SLCO2A1: variants seen among roughly 807,000 people sequenced by gnomAD.
SLCO2A1 encodes matrin F/G 1.
SLCO2A1 carries 60 observed loss-of-function variants against 71.7 expected under a neutral mutation model. The ratio of observed to expected loss-of-function variants is 0.84; its 90% CI spans 0.68 to 1.04. The LOEUF (loss-of-function observed/expected upper bound fraction) is 1.04, where lower values mean the gene tolerates loss of function less well. Among genes scored for constraint, SLCO2A1 ranks in the 50% least tolerant of loss-of-function variants. The probability of loss-of-function intolerance (pLI) is 0.00; values close to 1 mark genes in which losing one functional copy is unlikely to be tolerated. For synonymous variants in SLCO2A1, 308 were observed against 326.7 expected (o/e 0.94, Z 0.62); for missense variants, 745 against 813.4 (o/e 0.92, Z 1.02).
At chr3:133,985,153 C>T (rs1292801455) in intron 1 of SLCO2A1, among the ~76,000 whole-genome samples, 1 of 152,232 alleles carries the variant, frequency 6.6e-6, no homozygotes. Flanking sequence ...CAATGTGTTA[C>T]CAGAACATCA....
Position 133,979,544 on chromosome 3 carries a change from G to A in SLCO2A1, c.171C>T (p.Thr57=). The change falls in exon 2 of 14, where the codon ACC becomes ACT. Residue 57 remains threonine, a synonymous_variant. Coordinates refer to ENST00000310926, the MANE Select transcript of SLCO2A1 (RefSeq NM_005630.3). ...LYSAYFKSSL[T]TIEKRFGLSS... is the part of the protein sequence containing the mutation. ...AGAGCCCAAAGCGCTTCTCAATGGT[G>A]GTGAGGCTGCTCTTGAAGTAGGCGC... 1 of 1,614,146 alleles carries A rather than the reference G, an allele frequency of 6.2e-7. No homozygotes were observed. Among genetic ancestry groups the A allele is most frequent in the African/African-American group, 1.3e-5 (1 of 75,044 alleles).
intron 3 of SLCO2A1, 86 bp from the exon 4 acceptor site, chr3:133,955,279 C>G (rs1425690369): frequency 8.8e-6 from 11 of 1,246,074 alleles, no homozygotes; most frequent in Admixed American, 7.0e-5. Context: ...TCTCCCAGGC[C>G]CCTTGGGGAA....
At chr3:133,950,348 A>G (rs1933710871) in intron 6 of SLCO2A1, among the ~76,000 whole-genome samples, 1 of 152,154 alleles carries the variant, frequency 6.6e-6, no homozygotes, top group Admixed American at 6.5e-5. Flanking sequence ...TGGGACTTGA[A>G]GCCTAGGCAT....
chr3:134,001,753 G>T (rs1479374162), intron 1 of SLCO2A1, among the ~76,000 whole-genome samples: 1 of 152,168 alleles, frequency 6.6e-6, no homozygotes, highest in Non-Finnish European at 1.5e-5. Context: ...GTTCCAGGCT[G>T]ATGTGAGAGA....
At chr3:133,985,757 G>A (rs1191655036) in intron 1 of SLCO2A1, among the ~76,000 whole-genome samples, 2 of 152,170 alleles carry the variant, frequency 1.3e-5, no homozygotes, top group Non-Finnish European at 1.5e-5. Flanking sequence ...TTTGTCAAAT[G>A]AACAATATGT....
At chr3:133,961,006 C>T (rs1344498322) in intron 3 of SLCO2A1, among the ~76,000 whole-genome samples, 2 of 152,042 alleles carry the variant, frequency 1.3e-5, no homozygotes, top group Non-Finnish European at 2.9e-5. Context: ...CGCTCAAACA[C>T]AAGTCCTCCA....
intron 3 of SLCO2A1, among the ~76,000 whole-genome samples, chr3:133,969,329 A>C (rs12695598): frequency 0.48 from 73,445 of 151,928 alleles, 18,337 homozygotes; most frequent in South Asian, 0.66. Context: ...ACTCGGGAGG[A>C]TGAGGCAGGG....
At chr3:134,026,492 C>T (rs1009362139) in intron 1 of SLCO2A1, among the ~76,000 whole-genome samples, 21 of 151,810 alleles carry the variant, frequency 1.4e-4, no homozygotes, top group East Asian at 1.9e-4. Context: ...ATGCTTCCCG[C>T]GAAAAGAGAA....
chr3:133,979,685 G>T, intron 1 of SLCO2A1, 67 bp from the exon 2 acceptor site: 1 of 1,527,088 alleles, frequency 6.5e-7, no homozygotes, highest in Non-Finnish European at 8.8e-7. Flanking sequence ...CCAGCCATCT[G>T]TTAGGGGCCC....
intron 6 of SLCO2A1, 129 bp downstream of exon 6, chr3:133,951,079 A>G: frequency 7.8e-7 from 1 of 1,282,818 alleles, no homozygotes; most frequent in South Asian, 1.2e-5. Flanking sequence ...GTCCTGCATC[A>G]TGAAATTTGT....
In SLCO2A1 at chr3:133,933,689, T is replaced by C. The variant is rs561021861; in HGVS notation, c.*1024A>G. 9 of 152,392 alleles carry C rather than the reference T, an allele frequency of 5.9e-5. No homozygotes were observed. The highest frequency in any genetic ancestry group is 2.2e-4 in the African/African-American group (9 of 41,570). 9.4% of individuals were successfully genotyped at this position (152,392 alleles called of 1,614,324 possible). A position where few individuals can be genotyped will look rare whatever the true frequency, so the allele number is the denominator to read the frequency against. On this transcript the variant is annotated 3_prime_UTR_variant, in exon 14 of 14. Transcript: ENST00000310926. Reference sequence around the variant, plus strand: ...AGCTTGCCATCCAGCTTGGTGACAGTGGACATCCACTCTGCTTCATCACTT... The same window carrying C: ...AGCTTGCCATCCAGCTTGGTGACAGCGGACATCCACTCTGCTTCATCACTT...
Position 134,009,844 on chromosome 3 carries a change from C to T in SLCO2A1, c.96+19863G>A, listed in dbSNP as rs187186400. ...ACAGTCTGTGGTTTGTGGTGAAGTACATAGAGAAAAAATCTTAAGACGGGG... is the reference window on the plus strand; with the variant it reads ...ACAGTCTGTGGTTTGTGGTGAAGTATATAGAGAAAAAATCTTAAGACGGGG... On this transcript the variant is annotated intron_variant, in intron 1 of 13. Transcript: ENST00000310926. Among the ~76,000 whole-genome samples, 106 of 152,288 alleles carry T rather than the reference C, an allele frequency of 7.0e-4. 1 individual carries two copies. The highest frequency in any genetic ancestry group is 3.9e-3 in the Admixed American group (60 of 15,302).
chr3:133,950,482 C>T (rs1176386276), intron 6 of SLCO2A1, among the ~76,000 whole-genome samples: 1 of 152,080 alleles, frequency 6.6e-6, no homozygotes, highest in Non-Finnish European at 1.5e-5. Flanking sequence ...TGCTGCATTC[C>T]CCATCTCTCA....
intron 2 of SLCO2A1, among the ~76,000 whole-genome samples, chr3:133,977,070 C>T (rs569269718): frequency 5.1e-4 from 77 of 152,250 alleles, no homozygotes; most frequent in Non-Finnish European, 9.1e-4. Flanking sequence ...TGCACCAGGC[C>T]GGGCTCTCTT....
chr3:133,963,772 A>G (rs186961586), intron 3 of SLCO2A1, among the ~76,000 whole-genome samples: 108 of 152,264 alleles, frequency 7.1e-4, no homozygotes, highest in Admixed American at 2.1e-3. Flanking sequence ...CCCTTAAACT[A>G]TCAGCACGAC....
In SLCO2A1 at chr3:133,987,012, T is replaced by G. The variant is rs190561545; in HGVS notation, c.97-7394A>C. ...TGATCCCCATAGGGTTATTACCTAT[T>G]TAATGACTGACTGTGCTGTCAACCC... On this transcript the variant is annotated intron_variant, in intron 1 of 13. Transcript: ENST00000310926. Among the ~76,000 whole-genome samples the G allele has an allele frequency of 5.6e-4, 85 of 152,292 alleles. 1 individual carries two copies. The highest frequency in any genetic ancestry group is 1.9e-3 in the African/African-American group (77 of 41,560).
At chr3:133,937,402 T>G (rs1032523128) in intron 12 of SLCO2A1, among the ~76,000 whole-genome samples, 1 of 152,148 alleles carries the variant, frequency 6.6e-6, no homozygotes, top group Non-Finnish European at 1.5e-5. Flanking sequence ...GAAATCCCAC[T>G]GAAAAAGCTG....
intron 3 of SLCO2A1, 126 bp downstream of exon 3, chr3:133,973,537 G>T: frequency 2.0e-6 from 2 of 1,016,872 alleles, no homozygotes; most frequent in South Asian, 3.2e-5. Context: ...ACATACTTCA[G>T]TATAGTCTGA....
chr3:133,952,172 A>T (rs1933761221), intron 5 of SLCO2A1, among the ~76,000 whole-genome samples: 1 of 152,240 alleles, frequency 6.6e-6, no homozygotes, highest in Non-Finnish European at 1.5e-5. Context: ...ACCAAGAGCC[A>T]GGAACCAATT....
Sources: gnomAD v4.1 joint callset for allele counts (sites outside exome capture counted in the v4.1 genomes callset) on GRCh38, gnomAD v4.1.1 for gene constraint, MANE v1.5 for transcripts, NCBI Gene and HGNC (gene_info 2026-07-23, HGNC 2026-07-21) for gene names.